Variants in HS6ST2 observed in about 807,000 individuals in gnomAD.
HS6ST2 encodes the protein heparan-sulfate 6-O-sulfotransferase 2.
HS6ST2 carries 17 observed loss-of-function variants against 33.0 expected under a neutral mutation model. The observed-to-expected ratio is 0.52, with a 90% confidence interval of 0.35 to 0.77. The LOEUF (loss-of-function observed/expected upper bound fraction) is 0.77, where lower values mean the gene tolerates loss of function less well. Among genes scored for constraint, HS6ST2 ranks in the 30% least tolerant of loss-of-function variants. HS6ST2 has a pLI of 0.01. For missense variants in HS6ST2, 519 were observed against 551.7 expected (o/e 0.94, Z 0.59); for synonymous variants, 248 against 237.1 (o/e 1.05, Z -0.42).
intron 2 of HS6ST2, among the ~76,000 whole-genome samples, chrX:132,733,359 T>C (rs1297335538): frequency 9.2e-6 from 1 of 109,269 alleles, no homozygotes; most frequent in Non-Finnish European, 1.9e-5. Context: ...ACAGGATATC[T>C]AGTATGATAC....
intron 2 of HS6ST2, among the ~76,000 whole-genome samples, chrX:132,954,282 T>C (rs2067044522): frequency 9.0e-6 from 1 of 111,726 alleles, no homozygotes; most frequent in Admixed American, 9.5e-5. Context: ...GTTGTTCCCC[T>C]CAGTTGAGAG....
At chrX:132,779,478 G>C (rs974861320) in intron 2 of HS6ST2, among the ~76,000 whole-genome samples, 2 of 111,331 alleles carry the variant, frequency 1.8e-5, no homozygotes, top group Non-Finnish European at 3.8e-5. Context: ...AGGGTAGTCT[G>C]AAATTGGATC....
Position 132,956,935 on chromosome X carries a change from C to T in HS6ST2, c.820G>A (p.Glu274Lys). 8.3e-7 allele frequency: 1 copy of T among 1,204,739 alleles called. No individual in the cohort carries two copies. ...KCTCHRPGKR[E>K]TWLFSRFSTG... ...GAGAACCTGGAGAAGAGCCAGGTTT[C>T]CCGCTTACCCGGCCGGTGGCAAGTG... The change falls in exon 2 of 5, where the codon GAA becomes AAA. Residue 274 changes from glutamate to lysine, a missense_variant. By Grantham distance (56) the Glu-to-Lys change is moderately conservative. Transcript: ENST00000370833.
intron 3 of HS6ST2, among the ~76,000 whole-genome samples, chrX:132,696,785 C>T (rs1278353081): frequency 1.8e-5 from 2 of 111,864 alleles, no homozygotes; most frequent in Non-Finnish European, 3.8e-5. Flanking sequence ...TCACACTAAG[C>T]GCCTTTATTA....
At chrX:132,818,191 T>G (rs1426802681) in intron 2 of HS6ST2, among the ~76,000 whole-genome samples, 1 of 111,042 alleles carries the variant, frequency 9.0e-6, no homozygotes, top group African/African-American at 3.3e-5. Flanking sequence ...AGTTGTACTG[T>G]GTGACACTCT....
chrX:132,671,058 G>A (rs1362945887), intron 3 of HS6ST2, among the ~76,000 whole-genome samples: 15 of 112,014 alleles, frequency 1.3e-4, no homozygotes, highest in Non-Finnish European at 5.6e-5. Flanking sequence ...TTCTGAGTGG[G>A]GACTGAAGAA....
At chrX:132,823,915 G>C (rs1049365102) in intron 2 of HS6ST2, among the ~76,000 whole-genome samples, 1 of 106,114 alleles carries the variant, frequency 9.4e-6, no homozygotes, top group Admixed American at 1.0e-4. Flanking sequence ...CCAAGTTGCT[G>C]CAAAAGACAT....
At chrX:132,912,936 C>A (rs1158609899) in intron 2 of HS6ST2, among the ~76,000 whole-genome samples, 1 of 111,727 alleles carries the variant, frequency 9.0e-6, no homozygotes, top group Non-Finnish European at 1.9e-5. Context: ...ACCTACCCTT[C>A]CCTAATTGGC....
rs191458082 is a variant in HS6ST2 at position 132,813,946 on chromosome X, T to A, written c.948-105452A>T. ...TCAAGAACATTTATTTAATTTAATT[T>A]ATTTATTTATTTATTTGAGATGGAG... is the stretch of plus-strand genomic sequence containing the variant. On this transcript the variant is annotated intron_variant, in intron 2 of 4. Transcript: ENST00000370833. Among the ~76,000 whole-genome samples the A allele has an allele frequency of 2.5e-3, 273 of 111,087 alleles. 1 individual carries two copies. Among genetic ancestry groups the A allele is most frequent in the African/African-American group, 7.4e-3 (226 of 30,561 alleles).
chrX:132,933,086 G>A (rs2066791618), intron 2 of HS6ST2, among the ~76,000 whole-genome samples: 1 of 109,650 alleles, frequency 9.1e-6, no homozygotes, highest in East Asian at 2.9e-4. Context: ...CAGTACTTTG[G>A]GGGGCCTAGG....
intron 2 of HS6ST2, among the ~76,000 whole-genome samples, chrX:132,869,298 A>AGTCC (rs2066030592): frequency 9.3e-6 from 1 of 107,469 alleles, no homozygotes; most frequent in Non-Finnish European, 2.0e-5. Context: ...CCTACCAACG[A>AGTCC]AGGACCAGAT....
At chrX:132,660,018 C>A (rs2063759817) in intron 4 of HS6ST2, among the ~76,000 whole-genome samples, 1 of 111,653 alleles carries the variant, frequency 9.0e-6, no homozygotes, top group South Asian at 3.8e-4. Context: ...TTTCCCTCAA[C>A]TACTTTAAAT....
intron 2 of HS6ST2, among the ~76,000 whole-genome samples, chrX:132,770,571 T>C (rs1485559466): frequency 9.0e-6 from 1 of 111,718 alleles, no homozygotes; most frequent in Non-Finnish European, 1.9e-5. Flanking sequence ...CAAATCCCAG[T>C]ACTATTATAT....
At chrX:132,698,000 G>A (rs1353222330) in intron 3 of HS6ST2, among the ~76,000 whole-genome samples, 1 of 111,782 alleles carries the variant, frequency 8.9e-6, no homozygotes, top group Non-Finnish European at 1.9e-5. Context: ...TGTCTAGAAC[G>A]ATCACTAAAC....
chrX:132,766,150 A>T (rs779400891), intron 2 of HS6ST2, among the ~76,000 whole-genome samples: 14 of 112,438 alleles, frequency 1.2e-4, no homozygotes, highest in Non-Finnish European at 2.6e-4. Context: ...TAATTCAACT[A>T]ATGTTTGAAA....
intron 4 of HS6ST2, among the ~76,000 whole-genome samples, chrX:132,632,253 G>A (rs1429295958): frequency 9.0e-6 from 1 of 111,082 alleles, no homozygotes; most frequent in Non-Finnish European, 1.9e-5. Flanking sequence ...TGGGGACCCA[G>A]AATGCCTCAA....
intron 2 of HS6ST2, among the ~76,000 whole-genome samples, chrX:132,861,531 C>T (rs2065910915): frequency 2.7e-5 from 3 of 112,455 alleles, no homozygotes; most frequent in Non-Finnish European, 5.6e-5. Context: ...TTTTAGCTGC[C>T]GCAGGCAGCA....
rs772229510 is a variant in HS6ST2, at chrX:132,957,176, C to T, written c.579G>A (p.Pro193=). The change falls in exon 2 of 5, where the codon CCG becomes CCA. Residue 193 remains proline (P), a synonymous_variant. Transcript: ENST00000370833. ...CGGAGCTCTCATCCTCCGAGCGGTA[C>T]GGGTCCGGCACCGGGGAGCTGAACG... ...LQAFSSPVPD[P]YRSEDESSAR... is the part of the protein sequence containing the mutation. 8.3e-7 allele frequency: 1 copy of T among 1,211,738 alleles called. No individual in the cohort carries two copies. The highest frequency in any genetic ancestry group is 1.7e-5 in the African/African-American group (1 of 57,935).
At chrX:132,685,214 T>C (rs1226016039) in intron 3 of HS6ST2, among the ~76,000 whole-genome samples, 1 of 111,987 alleles carries the variant, frequency 8.9e-6, no homozygotes, top group African/African-American at 3.2e-5. Flanking sequence ...TTAAATATAC[T>C]AAGGTGATTT....
Sources: allele counts gnomAD v4.1 joint callset (sites outside exome capture counted in the v4.1 genomes callset), GRCh38; gene constraint gnomAD v4.1.1; transcripts MANE v1.5; gene names NCBI Gene and HGNC (gene_info 2026-07-23, HGNC 2026-07-21).